Variants in DMD observed in about 807,000 individuals in gnomAD.
The protein encoded by DMD is dystrophin, also known as mutant dystrophin.
DMD carries 63 observed loss-of-function variants against 330.1 expected under a neutral mutation model. That is an observed-to-expected ratio of 0.19 (90% CI 0.16 to 0.24). The LOEUF (loss-of-function observed/expected upper bound fraction) is 0.24. DMD is among the 10% of genes least tolerant of loss of function. DMD has a pLI of 1.00. For missense variants in DMD, 3,344 were observed against 2,684.1 expected, an observed-to-expected ratio of 1.25 and a Z score of -5.43; for synonymous variants, 1,223 against 959.8, an observed-to-expected ratio of 1.27 and a Z score of -5.07.
intron 30 of DMD, among the ~76,000 whole-genome samples, chrX:32,398,119 G>A (rs184827074): frequency 1.3e-4 from 14 of 109,948 alleles, no homozygotes; most frequent in Non-Finnish European, 2.3e-4. Flanking sequence ...GGGATGATAT[G>A]TACTTTCCAA....
At chrX:32,535,778 C>G (rs778458583) in intron 17 of DMD, among the ~76,000 whole-genome samples, 1 of 111,433 alleles carries the variant, frequency 9.0e-6, no homozygotes, top group East Asian at 2.8e-4. Flanking sequence ...CGCACAAAAC[C>G]TGGAAAATCC....
At chrX:31,632,715 G>A (rs1488616618) in intron 54 of DMD, among the ~76,000 whole-genome samples, 1 of 111,600 alleles carries the variant, frequency 9.0e-6, no homozygotes, top group African/African-American at 3.3e-5. Flanking sequence ...CATATCAACC[G>A]CTACTCATAG....
At chrX:32,622,967 G>T (rs1043501212) in intron 11 of DMD, among the ~76,000 whole-genome samples, 1 of 111,590 alleles carries the variant, frequency 9.0e-6, no homozygotes, top group African/African-American at 3.3e-5. Flanking sequence ...ACCACTGCTA[G>T]TCTACTTAAG....
chrX:32,142,093 T>C (rs2096756522), intron 44 of DMD, among the ~76,000 whole-genome samples: 1 of 110,634 alleles, frequency 9.0e-6, no homozygotes, highest in African/African-American at 3.3e-5. Context: ...AGCTGAGCTA[T>C]AGAATAATGT....
At chrX:32,523,504 T>G (rs1314778836) in intron 17 of DMD, among the ~76,000 whole-genome samples, 1 of 112,488 alleles carries the variant, frequency 8.9e-6, no homozygotes, top group Non-Finnish European at 1.9e-5. Context: ...AGTGGGGTCC[T>G]ACCCCATGTG....
Position 32,614,689 on chromosome X carries a change from T to C in DMD, c.1332-236A>G, listed in dbSNP as rs762294052. Among the ~76,000 whole-genome samples, 5 of 111,425 alleles carry C rather than the reference T, an allele frequency of 4.5e-5. No homozygotes were observed. In the East Asian group the frequency reaches 1.1e-3, roughly 25 times the overall value. On this transcript the variant is annotated intron_variant, in intron 11 of 78. Transcript: ENST00000357033. ...AAAAACTTTCACATAGTCAACTAAA[T>C]GTGAACATGCTAACTGAAGTGCAAA...
intron 15 of DMD, among the ~76,000 whole-genome samples, chrX:32,570,182 A>T (rs1461501443): frequency 9.0e-6 from 1 of 111,433 alleles, no homozygotes; most frequent in African/African-American, 3.3e-5. Context: ...AAGAGAAGAG[A>T]GTTTAGCACA....
At chrX:31,734,330 A>C (rs748584861) in intron 51 of DMD, among the ~76,000 whole-genome samples, 3 of 110,773 alleles carry the variant, frequency 2.7e-5, no homozygotes, top group African/African-American at 9.8e-5. Flanking sequence ...CTCTTAAATA[A>C]CCTCAGCTCA....
At chrX:31,628,588 A>G (rs1014377532) in intron 54 of DMD, among the ~76,000 whole-genome samples, 5 of 111,338 alleles carry the variant, frequency 4.5e-5, no homozygotes, top group African/African-American at 1.6e-4. Flanking sequence ...CAAAATAAAA[A>G]TGTTATGTGT....
chrX:32,680,582 A>T (rs1298887014), intron 9 of DMD, among the ~76,000 whole-genome samples: 2 of 112,478 alleles, frequency 1.8e-5, no homozygotes, highest in African/African-American at 6.4e-5. Context: ...TTCATTCAAA[A>T]TTAGGTATTA....
rs144927722 is a variant in DMD, at chrX:32,866,752, G to C, written c.94-16932C>G. ...GGGGGGGTGGGGGGGTGGGGGGGGG[G>C]GGACAGAGTTTCACTCTTTCGCCCA... On this transcript the variant is annotated intron_variant, in intron 2 of 78. Coordinates refer to ENST00000357033, the MANE Select transcript of DMD (RefSeq NM_004006.3). Among the ~76,000 whole-genome samples the C allele has an allele frequency of 4.8e-5, 4 of 84,105 alleles. No individual in the cohort carries two copies. In the East Asian group the frequency reaches 1.4e-3, roughly 29 times the overall value. The allele number at this position is 84,105 out of a possible 115,157, so 73.0% of individuals were successfully genotyped here. A position where few individuals can be genotyped will look rare whatever the true frequency, so the allele number is the denominator to read the frequency against.
At chrX:31,519,519 A>T (rs2147326070) in intron 55 of DMD, among the ~76,000 whole-genome samples, 1 of 111,935 alleles carries the variant, frequency 8.9e-6, no homozygotes, top group African/African-American at 3.2e-5. Context: ...ACTTCATTCT[A>T]TCCCCCACTT....
At chrX:32,288,511 C>G (rs1326935323) in intron 42 of DMD, among the ~76,000 whole-genome samples, 1 of 111,423 alleles carries the variant, frequency 9.0e-6, no homozygotes. Context: ...AACTACCTAT[C>G]TAAATGGTCC....
At chrX:31,831,936 A>G (rs1390103702) in intron 49 of DMD, among the ~76,000 whole-genome samples, 1 of 112,939 alleles carries the variant, frequency 8.9e-6, no homozygotes, top group African/African-American at 3.2e-5. Flanking sequence ...AAATGTTGCT[A>G]TGCATTTACT....
intron 7 of DMD, among the ~76,000 whole-genome samples, chrX:32,776,872 TCCAA>T (rs1421707619): frequency 8.9e-6 from 1 of 111,835 alleles, no homozygotes; most frequent in Non-Finnish European, 1.9e-5. Context: ...AACAAACTCA[TCCAA>T]CCAAAAATAT....
intron 2 of DMD, among the ~76,000 whole-genome samples, chrX:32,881,972 C>CT (rs1375259752): frequency 8.9e-6 from 1 of 112,516 alleles, no homozygotes; most frequent in Non-Finnish European, 1.9e-5. Context: ...CATGCACTTA[C>CT]TGTCCTTATT....
intron 13 of DMD, among the ~76,000 whole-genome samples, chrX:32,587,128 C>A (rs1382241031): frequency 4.5e-5 from 5 of 111,590 alleles, no homozygotes; most frequent in Non-Finnish European, 1.9e-5. Context: ...AAGATATGTA[C>A]TATAAAAATT....
At chrX:31,547,885 G>A (rs1032765631) in intron 55 of DMD, among the ~76,000 whole-genome samples, 3 of 111,908 alleles carry the variant, frequency 2.7e-5, no homozygotes, top group South Asian at 3.8e-4. Flanking sequence ...ACCTTGGAAA[G>A]AGCCCATTCA....
At chrX:32,850,037 C>A (rs986803481) in intron 2 of DMD, among the ~76,000 whole-genome samples, 1 of 111,548 alleles carries the variant, frequency 9.0e-6, no homozygotes, top group African/African-American at 3.3e-5. Flanking sequence ...GTTTGAATAG[C>A]AAGAGTAAGA....
Sources: gnomAD v4.1 joint callset for allele counts (sites outside exome capture counted in the v4.1 genomes callset) on GRCh38, gnomAD v4.1.1 for gene constraint, MANE v1.5 for transcripts, NCBI Gene and HGNC (gene_info 2026-07-23, HGNC 2026-07-21) for gene names.